RANBP10: variants seen among roughly 807,000 people sequenced by gnomAD.
RANBP10 encodes the protein ran-binding protein 10.
A neutral mutation model predicts 72.8 loss-of-function variants in RANBP10; 24 were observed. The ratio of observed to expected loss-of-function variants is 0.33; its 90% confidence interval spans 0.24 to 0.46. The LOEUF (loss-of-function observed/expected upper bound fraction) is 0.46, where lower values mean the gene tolerates loss of function less well. Ranked by LOEUF, RANBP10 falls within the 20% of genes least tolerant of loss-of-function variation. The pLI is 1.00. For synonymous variants in RANBP10, 310 were observed against 322.3 expected (o/e 0.96, Z 0.41); for missense variants, 679 against 817.5 (o/e 0.83, Z 2.07).
At chr16:67,743,834 G>A (rs2143005783) in intron 4 of RANBP10, among the ~76,000 whole-genome samples, 1 of 152,292 alleles carries the variant, frequency 6.6e-6, no homozygotes, top group African/African-American at 2.4e-5. Context: ...ACCAAGAACA[G>A]ACCAGAGGTC....
At chr16:67,778,226 G>A (rs2054744305) in intron 2 of RANBP10, among the ~76,000 whole-genome samples, 1 of 152,156 alleles carries the variant, frequency 6.6e-6, no homozygotes, top group African/African-American at 2.4e-5. Flanking sequence ...GCGCATGCCT[G>A]TAATCACAGC....
intron 4 of RANBP10, among the ~76,000 whole-genome samples, chr16:67,739,673 G>A (rs2053928213): frequency 6.6e-6 from 1 of 152,186 alleles, no homozygotes; most frequent in African/African-American, 2.4e-5. Flanking sequence ...GGCTGAGGCA[G>A]GAGGACCACT....
intron 3 of RANBP10, among the ~76,000 whole-genome samples, chr16:67,756,237 G>A (rs1394185808): frequency 6.6e-6 from 1 of 152,242 alleles, no homozygotes; most frequent in Admixed American, 6.5e-5. Context: ...CCATCTGCCA[G>A]GGCAGATCCA....
chr16:67,781,800 G>C (rs1268275746), intron 2 of RANBP10, among the ~76,000 whole-genome samples: 1 of 152,164 alleles, frequency 6.6e-6, no homozygotes, highest in Non-Finnish European at 1.5e-5. Flanking sequence ...GCAGCAAATA[G>C]GCACTGCTTG....
intron 2 of RANBP10, among the ~76,000 whole-genome samples, chr16:67,803,830 TAAAAAAAAAAA>T (rs1186108487): frequency 3.3e-5 from 3 of 91,612 alleles, no homozygotes; most frequent in Non-Finnish European, 4.6e-5. Context: ...CCCATCTCAT[TAAAAAAAAAAA>T]AAAAAAAAAA....
chr16:67,726,251 CG>C lies in RANBP10; in HGVS notation c.*176del. 2 of 876,252 alleles carry C rather than the reference CG, an allele frequency of 2.3e-6. No individual in the cohort carries two copies. Among genetic ancestry groups the C allele is most frequent in the Non-Finnish European group, 3.4e-6 (2 of 581,720 alleles). The allele number at this position is 876,252 out of a possible 1,614,324, so 54.3% of individuals were successfully genotyped here. On this transcript the variant is annotated 3_prime_UTR_variant, in exon 14 of 14. Transcript: ENST00000317506. ...GAAGGGGAGAGAGAGAGAGACTGAG[CG>C]GGGTGGTGGGCAGAGAAAGGAAGGA...
At chr16:67,799,618 T>C (rs2055199731) in intron 2 of RANBP10, among the ~76,000 whole-genome samples, 1 of 152,124 alleles carries the variant, frequency 6.6e-6, no homozygotes, top group South Asian at 2.1e-4. Flanking sequence ...CTGTTTCTTC[T>C]GCCTGAAGCA....
intron 5 of RANBP10, chr16:67,735,873 C>CTAGACCCCTGGTGCTGGCAAAGGGTGA (rs1332887495): frequency 2.6e-5 from 4 of 152,258 alleles, no homozygotes; most frequent in Admixed American, 6.6e-5. Flanking sequence ...AACCGGTGGT[C>CTAGACCCCTGGTGCTGGCAAAGGGTGA]TAGACCCCTG....
In RANBP10 at chr16:67,752,251, A is replaced by G. The variant is rs184032394; in HGVS notation, c.401-7796T>C. ...TAAGTTAAAGCCCTTGAAGTAGGGG[A>G]TGACAGTGGATTATCCAGGTGGGCC... is the stretch of plus-strand genomic sequence containing the variant. On this transcript the variant is annotated intron_variant, in intron 3 of 13. Coordinates refer to ENST00000317506, the MANE Select transcript of RANBP10 (RefSeq NM_020850.3). Among the ~76,000 whole-genome samples the G allele has an allele frequency of 3.1e-3, 469 of 152,342 alleles. 3 individuals are homozygous for G. Among genetic ancestry groups the G allele is most frequent in the African/African-American group, 0.011 (442 of 41,570 alleles).
At chr16:67,768,553 T>C (rs541862632) in intron 3 of RANBP10, among the ~76,000 whole-genome samples, 62 of 146,452 alleles carry the variant, frequency 4.2e-4, no homozygotes, top group Non-Finnish European at 5.9e-4. Flanking sequence ...AAAATAAAAA[T>C]AAAAATACAA....
Position 67,794,944 on chromosome 16 carries a change from AAC to A in RANBP10, c.347+10482_347+10483del, listed in dbSNP as rs1270543440. Among the ~76,000 whole-genome samples, 854 of 147,708 alleles carry A rather than the reference AAC, an allele frequency of 5.8e-3. 24 individuals carry two copies. Among genetic ancestry groups the A allele is most frequent in the African/African-American group, 0.014 (575 of 39,870 alleles). ...CTGCCTCAAATTAAAAAAAAAAAAA[AAC>A]AAAAAAAAAAAACAGCAACAAAAAA... On this transcript the variant is annotated intron_variant, in intron 2 of 13. Coordinates refer to ENST00000317506, the MANE Select transcript of RANBP10 (RefSeq NM_020850.3).
intron 6 of RANBP10, among the ~76,000 whole-genome samples, chr16:67,734,356 T>C (rs2053795791): frequency 6.6e-6 from 1 of 152,144 alleles, no homozygotes; most frequent in Non-Finnish European, 1.5e-5. Flanking sequence ...TCCAGGACAG[T>C]CTGGGAATTA....
At position 67,728,513 on chromosome 16, in the gene RANBP10, T is replaced by C. The variant is rs770209495; in HGVS notation, c.1353-2A>G. 3.5e-5 allele frequency: 57 copies of C among 1,613,910 alleles called. No homozygotes were observed. The Admixed American group carries it at 9.2e-4, about 26-fold the overall frequency. The stretch of plus-strand genomic sequence containing the variant: ...GCCTCCATCTCCATCTCACTGTCGC[T>C]GTGGGGAGGGGTTGAGGTGGGAGTT... On this transcript the variant is annotated splice_acceptor_variant, in intron 10 of 13. Coordinates refer to ENST00000317506, the MANE Select transcript of RANBP10 (RefSeq NM_020850.3). LOFTEE classifies it high-confidence loss of function.
At chr16:67,736,106 G>A (rs1357416891) in intron 5 of RANBP10, among the ~76,000 whole-genome samples, 1 of 151,740 alleles carries the variant, frequency 6.6e-6, no homozygotes, top group Admixed American at 6.6e-5. Flanking sequence ...GTCTTCCCAG[G>A]GCCCTCAGTC....
chr16:67,785,533 G>C (rs2143016508), intron 2 of RANBP10, among the ~76,000 whole-genome samples: 1 of 151,890 alleles, frequency 6.6e-6, no homozygotes, highest in Non-Finnish European at 1.5e-5. Flanking sequence ...TTCGAGACCA[G>C]CCTGGTCGAC....
intron 6 of RANBP10, among the ~76,000 whole-genome samples, chr16:67,733,053 C>CAAAAA (rs770521202): frequency 2.3e-5 from 1 of 43,798 alleles, no homozygotes. Context: ...GACTCCATCT[C>CAAAAA]AAAAAAAAAA....
chr16:67,801,970 C>T (rs2055241911), intron 2 of RANBP10, among the ~76,000 whole-genome samples: 1 of 151,932 alleles, frequency 6.6e-6, no homozygotes, highest in African/African-American at 2.4e-5. Flanking sequence ...TGGCACACAC[C>T]TATAGTCCCA....
chr16:67,733,748 G>A (rs2053782510), intron 6 of RANBP10, among the ~76,000 whole-genome samples: 1 of 152,078 alleles, frequency 6.6e-6, no homozygotes, highest in African/African-American at 2.4e-5. Context: ...TGAGGTGGGA[G>A]GATCACTTGA....
intron 2 of RANBP10, among the ~76,000 whole-genome samples, chr16:67,773,198 T>C (rs1263526421): frequency 6.6e-6 from 1 of 152,072 alleles, no homozygotes; most frequent in Non-Finnish European, 1.5e-5. Context: ...AATGAACGAG[T>C]TCTTGCTCTA....
Sources: allele counts gnomAD v4.1 joint callset (sites outside exome capture counted in the v4.1 genomes callset), GRCh38; gene constraint gnomAD v4.1.1; transcripts MANE v1.5; gene names NCBI Gene and HGNC (gene_info 2026-07-23, HGNC 2026-07-21).